Variants in NDE1 observed in about 807,000 individuals in gnomAD.
The protein encoded by NDE1 is nudE neurodevelopment protein 1.
In NDE1, 28 loss-of-function variants were observed where a neutral mutation model predicts 43.4. The observed-to-expected ratio is 0.65, with a 90% CI of 0.48 to 0.89. The LOEUF (loss-of-function observed/expected upper bound fraction) is 0.89. Ranked by LOEUF, NDE1 falls within the 40% of genes least tolerant of loss-of-function variation. The pLI, the probability that NDE1 is intolerant of heterozygous loss-of-function variation, is 0.00. For missense variants in NDE1, 441 were observed against 434.1 expected (o/e 1.02, Z -0.14); for synonymous variants, 184 against 172.0 (o/e 1.07, Z -0.55).
chr16:15,718,206 A>G (rs2040268871), intron 8 of NDE1: 1 of 1,563,998 alleles, frequency 6.4e-7, no homozygotes, highest in East Asian at 2.2e-5. Context: ...CTTGTCCCTC[A>G]ATCCAGGGCC....
In NDE1 at chr16:15,724,479, C is replaced by T; in HGVS notation, c.*228C>T. 6.2e-7 allele frequency: 1 copy of T among 1,609,564 alleles called. No homozygotes were observed. Among genetic ancestry groups the T allele is most frequent in the South Asian group, 1.1e-5 (1 of 90,856 alleles). ...TGGCCCCTGTCCCTGGCCCCACAGA[C>T]TCTGAGAAGCGAAGACCATGTCTCC... On this transcript the variant is annotated 3_prime_UTR_variant, in exon 9 of 9. Transcript: ENST00000396354.
At position 15,687,515 on chromosome 16, in the gene NDE1, A is replaced by G; in HGVS notation, c.523+4A>G. The G allele has an allele frequency of 6.2e-7, 1 of 1,613,346 alleles. No individual in the cohort carries two copies. Among genetic ancestry groups the G allele is most frequent in the Non-Finnish European group, 8.5e-7 (1 of 1,179,422 alleles). ...AGACTGAAGGATGAAGCCAGAGGTC[A>G]GGAGGCCTTGGTGTCTTCACCAGCA... is the stretch of plus-strand genomic sequence containing the variant. On this transcript the variant is annotated splice_donor_region_variant and intron_variant, in intron 5 of 8. Transcript: ENST00000396354.
intron 2 of NDE1, 129 bp downstream of exon 2, chr16:15,664,990 G>T: frequency 1.4e-6 from 1 of 705,714 alleles, no homozygotes. Context: ...TAAACTCCTG[G>T]GCTTAAGCGA....
intron 3 of NDE1, among the ~76,000 whole-genome samples, chr16:15,675,085 G>C (rs569573857): frequency 6.6e-6 from 1 of 152,118 alleles, no homozygotes; most frequent in Non-Finnish European, 1.5e-5. Context: ...TCTGAAGATT[G>C]TGGGAACCAG....
intron 8 of NDE1, among the ~76,000 whole-genome samples, chr16:15,699,018 G>A (rs1296303697): frequency 1.3e-5 from 2 of 151,826 alleles, no homozygotes; most frequent in East Asian, 3.9e-4. Flanking sequence ...CCAAGTAGCT[G>A]GGGCTACAGG....
At chr16:15,663,387 C>T (rs2037144894) in intron 1 of NDE1, among the ~76,000 whole-genome samples, 1 of 151,784 alleles carries the variant, frequency 6.6e-6, no homozygotes, top group African/African-American at 2.4e-5. Flanking sequence ...GTATGGGTGC[C>T]CGCCACCACG....
intron 1 of NDE1, among the ~76,000 whole-genome samples, chr16:15,650,636 G>GA (rs2036453296): frequency 6.6e-6 from 1 of 152,146 alleles, no homozygotes; most frequent in Non-Finnish European, 1.5e-5. Context: ...CTCCTTCCGG[G>GA]ACTTCCTGGG....
Position 15,719,312 on chromosome 16 carries a change from G to C in NDE1, c.948-4879G>C, listed in dbSNP as rs762269040. 6 of 1,610,098 alleles carry C rather than the reference G, an allele frequency of 3.7e-6. No individual in the cohort carries two copies. Among genetic ancestry groups the C allele is most frequent in the African/African-American group, 1.3e-5 (1 of 74,898 alleles). On this transcript the variant is annotated intron_variant, in intron 8 of 8. Coordinates refer to ENST00000396354, the MANE Select transcript of NDE1 (RefSeq NM_017668.3). Reference sequence around the variant, plus strand: ...CCCTCTCAGCGGCGGCGAGGTCCTAGGTGGGAGGGAGGAAGGCTGTTGTCT... The same window carrying C: ...CCCTCTCAGCGGCGGCGAGGTCCTACGTGGGAGGGAGGAAGGCTGTTGTCT...
At chr16:15,645,630 A>T (rs1196334453), upstream of NDE1, among the ~76,000 whole-genome samples, 3 of 152,240 alleles carry the variant, frequency 2.0e-5, no homozygotes, top group Non-Finnish European at 2.9e-5. Context: ...GAATCAAAAT[A>T]CATAAATTTT....
At chr16:15,719,329 C>T in intron 8 of NDE1, 3 of 1,607,312 alleles carry the variant, frequency 1.9e-6, no homozygotes, top group South Asian at 2.2e-5. Flanking sequence ...GGGAGGAAGG[C>T]TGTTGTCTGC....
Position 15,696,870 on chromosome 16 carries a change from T to G in NDE1, c.947+10T>G. ...CTTTGGGTGATAAGGGGTCAGTACCTTCTAATAAACCTCTCGCTGGCGGGG... is the reference window on the plus strand; with the variant it reads ...CTTTGGGTGATAAGGGGTCAGTACCGTCTAATAAACCTCTCGCTGGCGGGG... On this transcript the variant is annotated intron_variant, in intron 8 of 8. Transcript: ENST00000396354. 6.2e-7 allele frequency: 1 copy of G among 1,613,896 alleles called. No homozygotes were observed. The highest frequency in any genetic ancestry group is 8.5e-7 in the Non-Finnish European group (1 of 1,179,954).
At chr16:15,717,704 G>A (rs901254725) in intron 8 of NDE1, 4 of 367,744 alleles carry the variant, frequency 1.1e-5, no homozygotes, top group African/African-American at 2.1e-5. Context: ...GTTGAAGCAG[G>A]AGAATCCCTT....
rs761570770 is a variant in NDE1 at position 15,724,192 on chromosome 16, T to C, written c.949T>C (p.Leu317=). Residue 317 remains leucine (L), a splice_region_variant and synonymous_variant, in exon 9 of 9, where the codon TTG becomes CTG. Coordinates refer to ENST00000396354, the MANE Select transcript of NDE1 (RefSeq NM_017668.3). ...AAATTTCCTCTGCTTCTTTTCCAGG[T>C]TGGACACGAGTTGCCGCTGGTTGTC... The part of the protein sequence containing the change: ...STSVPLGDKG[L]DTSCRWLSKS... 1.2e-6 allele frequency: 2 copies of C among 1,614,016 alleles called. No individual in the cohort carries two copies. The highest frequency in any genetic ancestry group is 2.2e-5 in the East Asian group (1 of 44,884).
intron 8 of NDE1, among the ~76,000 whole-genome samples, chr16:15,709,069 A>G (rs999801832): frequency 6.6e-6 from 1 of 151,940 alleles, no homozygotes; most frequent in African/African-American, 2.4e-5. Flanking sequence ...CAGCCTCCCG[A>G]GTAGCTGGGA....
chr16:15,714,846 C>G, intron 8 of NDE1: 1 of 1,599,644 alleles, frequency 6.3e-7, no homozygotes, highest in Non-Finnish European at 8.5e-7. Flanking sequence ...GAAAGGAGCC[C>G]GAGCCCCCAG....
intron 1 of NDE1, among the ~76,000 whole-genome samples, chr16:15,656,519 TTTATTA>T (rs58046044): frequency 1.1e-4 from 16 of 151,232 alleles, no homozygotes; most frequent in South Asian, 8.4e-4. Context: ...GCTCTTTTCT[TTTATTA>T]TTATTATTAT....
chr16:15,684,356 G>A (rs1428899182), intron 4 of NDE1: 1 of 152,112 alleles, frequency 6.6e-6, no homozygotes, highest in East Asian at 1.9e-4. Context: ...ACTTTGGGAG[G>A]CAGAAGCAGG....
At chr16:15,660,295 T>C (rs1470450673) in intron 1 of NDE1, among the ~76,000 whole-genome samples, 1 of 151,632 alleles carries the variant, frequency 6.6e-6, no homozygotes, top group Non-Finnish European at 1.5e-5. Flanking sequence ...CTAGGCAACA[T>C]AGTAAGACCC....
chr16:15,691,494 C>T (rs1017290261), intron 6 of NDE1, among the ~76,000 whole-genome samples, 171 bp downstream of exon 6: 1 of 151,980 alleles, frequency 6.6e-6, no homozygotes, highest in African/African-American at 2.4e-5. Flanking sequence ...GCATTGAGAT[C>T]AGTGAGGACT....
Sources: gnomAD v4.1 joint callset for allele counts (sites outside exome capture counted in the v4.1 genomes callset) on GRCh38, gnomAD v4.1.1 for gene constraint, MANE v1.5 for transcripts, NCBI Gene and HGNC (gene_info 2026-07-23, HGNC 2026-07-21) for gene names.